Variants in ARHGAP24 observed in about 807,000 individuals in gnomAD.
The protein encoded by ARHGAP24 is rho GTPase-activating protein 24.
A neutral mutation model predicts 76.4 loss-of-function variants in ARHGAP24; 50 were observed. The ratio of observed to expected loss-of-function variants is 0.65; its 90% confidence interval spans 0.52 to 0.83. The LOEUF is 0.83. Ranked by LOEUF, ARHGAP24 falls within the 40% of genes least tolerant of loss-of-function variation. The pLI, the probability that ARHGAP24 is intolerant of heterozygous loss-of-function variation, is 0.00. For missense variants in ARHGAP24, 930 were observed against 914.2 expected, an observed-to-expected ratio of 1.02 and a Z score of -0.22; for synonymous variants, 345 against 323.3, an observed-to-expected ratio of 1.07 and a Z score of -0.72.
intron 3 of ARHGAP24, among the ~76,000 whole-genome samples, chr4:85,748,671 A>G (rs780411759): frequency 6.6e-6 from 1 of 152,248 alleles, no homozygotes; most frequent in South Asian, 2.1e-4. Flanking sequence ...AAAGATTTAC[A>G]TAAAAATAAA....
intron 1 of ARHGAP24, among the ~76,000 whole-genome samples, chr4:85,529,148 A>AT (rs972726143): frequency 4.6e-5 from 7 of 152,070 alleles, no homozygotes; most frequent in East Asian, 1.9e-4. Context: ...GTAAAAACTA[A>AT]TTTTTTTGTT....
intron 3 of ARHGAP24, among the ~76,000 whole-genome samples, chr4:85,843,191 T>G (rs1385682513): frequency 1.3e-5 from 2 of 152,218 alleles, no homozygotes; most frequent in Non-Finnish European, 2.9e-5. Flanking sequence ...ATTTTCTATT[T>G]AGGTTAATAC....
At chr4:85,719,730 G>T (rs1724858535) in intron 2 of ARHGAP24, among the ~76,000 whole-genome samples, 1 of 152,142 alleles carries the variant, frequency 6.6e-6, no homozygotes, top group Non-Finnish European at 1.5e-5. Context: ...TAGTAAATTA[G>T]GGAGCAAAAC....
chr4:85,567,069 A>G (rs796603253), intron 1 of ARHGAP24, among the ~76,000 whole-genome samples: 4 of 152,310 alleles, frequency 2.6e-5, no homozygotes, highest in African/African-American at 9.6e-5. Flanking sequence ...TTAGAGAGGT[A>G]AAGAGGTGCC....
chr4:85,623,716 C>T (rs1203386134), intron 2 of ARHGAP24, among the ~76,000 whole-genome samples: 1 of 151,730 alleles, frequency 6.6e-6, no homozygotes, highest in African/African-American at 2.4e-5. Flanking sequence ...ATTCTTCCTA[C>T]CCATGAGCAT....
chr4:85,850,099 G>A (rs964155123), intron 3 of ARHGAP24, among the ~76,000 whole-genome samples: 15 of 152,064 alleles, frequency 9.9e-5, no homozygotes, highest in African/African-American at 3.6e-4. Flanking sequence ...TGGTTGGTAG[G>A]CTATTAATTA....
In ARHGAP24 at chr4:85,923,713, G is replaced by T; in HGVS notation, c.334G>T (p.Asp112Tyr). The T allele has an allele frequency of 1.2e-6, 2 of 1,614,012 alleles. No homozygotes were observed. Among genetic ancestry groups the T allele is most frequent in the East Asian group, 2.2e-5 (1 of 44,868 alleles). ...CCTCCTCATGGCAAGCACCCAGAAT[G>T]ATATGGAAGACTGGGTGAAGTCAAT... ...SYLLMASTQN[D>Y]MEDWVKSIRR... Residue 112 changes from aspartate (D) to tyrosine (Y), a missense_variant, in exon 4 of 10, where the codon GAT (aspartate) becomes TAT (tyrosine). Physicochemically the swap from Asp to Tyr is radical, Grantham distance 160 (BLOSUM62 -3). Transcript: ENST00000395184.
intron 8 of ARHGAP24, chr4:85,991,968 A>G (rs986981008): frequency 1.3e-5 from 5 of 391,366 alleles, no homozygotes; most frequent in Non-Finnish European, 2.3e-5. Context: ...TCAAATTTTT[A>G]GCCAATGCTT....
intron 1 of ARHGAP24, among the ~76,000 whole-genome samples, chr4:85,485,691 C>T (rs1723024165): frequency 6.7e-6 from 1 of 150,330 alleles, no homozygotes; most frequent in Non-Finnish European, 1.5e-5. Context: ...GTTGTTCCAA[C>T]ATAGAAAAGT....
chr4:85,619,704 T>C (rs1281038053), intron 2 of ARHGAP24, among the ~76,000 whole-genome samples: 32 of 151,968 alleles, frequency 2.1e-4, no homozygotes, highest in Non-Finnish European at 1.5e-5. Context: ...TAAGAATTTT[T>C]TATGCAATCG....
chr4:85,845,010 A>T (rs1730800702), intron 3 of ARHGAP24, among the ~76,000 whole-genome samples: 1 of 152,188 alleles, frequency 6.6e-6, no homozygotes, highest in South Asian at 2.1e-4. Context: ...GGAAAATACT[A>T]ATCTGTTATC....
chr4:85,866,172 T>C (rs1209274043), intron 3 of ARHGAP24, among the ~76,000 whole-genome samples: 1 of 152,138 alleles, frequency 6.6e-6, no homozygotes, highest in Non-Finnish European at 1.5e-5. Context: ...TATAGTGTTG[T>C]AGTAGAGACA....
At chr4:85,822,724 T>G (rs1306218527) in intron 3 of ARHGAP24, among the ~76,000 whole-genome samples, 1 of 152,220 alleles carries the variant, frequency 6.6e-6, no homozygotes, top group East Asian at 1.9e-4. Context: ...GATTATACAT[T>G]CATGAATGTA....
intron 2 of ARHGAP24, among the ~76,000 whole-genome samples, chr4:85,701,155 T>G (rs1011596427): frequency 1.3e-5 from 2 of 152,214 alleles, no homozygotes; most frequent in Non-Finnish European, 2.9e-5. Flanking sequence ...CTTGCTATTA[T>G]CTCTCCCTCC....
At chr4:85,683,453 C>A (rs1032943130) in intron 2 of ARHGAP24, among the ~76,000 whole-genome samples, 4 of 152,140 alleles carry the variant, frequency 2.6e-5, no homozygotes, top group Non-Finnish European at 5.9e-5. Flanking sequence ...TTTGATTGCT[C>A]ATTTAACTCT....
At chr4:85,869,884 G>A (rs189263787) in intron 3 of ARHGAP24, among the ~76,000 whole-genome samples, 1 of 152,088 alleles carries the variant, frequency 6.6e-6, no homozygotes, top group African/African-American at 2.4e-5. Context: ...TATACATATG[G>A]CTTGAAGGTG....
At chr4:85,648,428 A>G (rs1363318988) in intron 2 of ARHGAP24, among the ~76,000 whole-genome samples, 1 of 152,240 alleles carries the variant, frequency 6.6e-6, no homozygotes. Flanking sequence ...AAATCAAAAG[A>G]TTTACAGAGA....
At chr4:85,560,021 G>T (rs561405308) in intron 1 of ARHGAP24, among the ~76,000 whole-genome samples, 117 of 152,166 alleles carry the variant, frequency 7.7e-4, no homozygotes, top group Middle Eastern at 6.8e-3. Context: ...TAGAGTACTG[G>T]ATTGAGATGG....
intron 3 of ARHGAP24, among the ~76,000 whole-genome samples, chr4:85,814,897 C>T (rs774169333): frequency 6.6e-6 from 1 of 152,218 alleles, no homozygotes; most frequent in Non-Finnish European, 1.5e-5. Context: ...CAACAACCTT[C>T]TGCCTGAGCA....
Sources: gnomAD v4.1 joint callset for allele counts (sites outside exome capture counted in the v4.1 genomes callset) on GRCh38, gnomAD v4.1.1 for gene constraint, MANE v1.5 for transcripts, NCBI Gene and HGNC (gene_info 2026-07-23, HGNC 2026-07-21) for gene names.